Variants in RBM20 observed in about 807,000 individuals in gnomAD.
The protein encoded by RBM20 is RNA-binding protein 20.
In RBM20, 51 loss-of-function variants were observed where a neutral mutation model predicts 110.1. That is an observed-to-expected ratio of 0.46 (90% CI 0.37 to 0.59). The LOEUF (loss-of-function observed/expected upper bound fraction) is 0.59, where lower values mean the gene tolerates loss of function less well. Among genes scored for constraint, RBM20 ranks in the 20% least tolerant of loss-of-function variants. The probability of loss-of-function intolerance (pLI) is 0.00; values close to 1 mark genes in which losing one functional copy is unlikely to be tolerated. For missense variants in RBM20, 1,512 were observed against 1,574.9 expected (o/e 0.96, Z 0.68); for synonymous variants, 589 against 618.2 (o/e 0.95, Z 0.70).
chr10:110,713,991 C>G (rs117265234), intron 1 of RBM20, among the ~76,000 whole-genome samples: 1 of 152,154 alleles, frequency 6.6e-6, no homozygotes, highest in Non-Finnish European at 1.5e-5. Flanking sequence ...AGGATCATCA[C>G]CCAGGAATGT....
chr10:110,670,851 T>G (rs771102821), intron 1 of RBM20, among the ~76,000 whole-genome samples: 1 of 152,250 alleles, frequency 6.6e-6, no homozygotes, highest in Non-Finnish European at 1.5e-5. Flanking sequence ...GTCAGATTGT[T>G]ATTTTTCTCT....
rs1371694416 is a variant in RBM20 at position 110,644,806 on chromosome 10, CTGTT to C, written c.191+166_191+169del. 4.6e-5 allele frequency among the ~76,000 whole-genome samples: 7 copies of C among 152,078 alleles called. No homozygotes were observed. The highest frequency in any genetic ancestry group is 1.3e-4 in the Admixed American group (2 of 15,278). Reference sequence around the variant, plus strand: ...CTGGGCAGAGTCGGTGTCCTTCTGGCTGTTTGTTAGGCTGGAAAGAGGGGAGCCA... The same window carrying C: ...CTGGGCAGAGTCGGTGTCCTTCTGGCTGTTAGGCTGGAAAGAGGGGAGCCA... On this transcript the variant is annotated intron_variant, in intron 1 of 13. Coordinates refer to ENST00000369519, the MANE Select transcript of RBM20 (RefSeq NM_001134363.3). The surrounding 1 kb of genome is among the most constrained non-coding windows in gnomAD (Gnocchi z 4.3).
intron 12 of RBM20, among the ~76,000 whole-genome samples, chr10:110,824,694 G>A (rs1410645450): frequency 2.0e-5 from 3 of 152,154 alleles, no homozygotes; most frequent in African/African-American, 4.8e-5. Flanking sequence ...AAAGTTCCCT[G>A]GGAGATTCTG....
At chr10:110,753,528 T>C (rs2840311) in intron 1 of RBM20, among the ~76,000 whole-genome samples, 54,860 of 152,046 alleles carry the variant, frequency 0.36, 10,731 homozygotes, top group East Asian at 0.59. Context: ...TGAAATGTAA[T>C]CTTTAGAATT....
At chr10:110,687,430 G>A (rs890833858) in intron 1 of RBM20, among the ~76,000 whole-genome samples, 3 of 152,194 alleles carry the variant, frequency 2.0e-5, no homozygotes, top group Non-Finnish European at 4.4e-5. Context: ...CGCATTATTA[G>A]AGAGAAGCAT....
intron 9 of RBM20, among the ~76,000 whole-genome samples, chr10:110,815,714 T>A (rs1340406283): frequency 6.6e-6 from 1 of 152,226 alleles, no homozygotes; most frequent in East Asian, 1.9e-4. Context: ...TTTACCACCC[T>A]GCTCTCATCG....
chr10:110,820,423 T>A (rs1678730289), intron 10 of RBM20, among the ~76,000 whole-genome samples: 4 of 152,292 alleles, frequency 2.6e-5, no homozygotes, highest in Admixed American at 2.6e-4. Context: ...TTTGGCTGTG[T>A]TCCTACGAGA....
At chr10:110,755,426 A>G (rs76428404) in intron 1 of RBM20, among the ~76,000 whole-genome samples, 2,079 of 152,258 alleles carry the variant, frequency 0.014, 19 homozygotes, top group Non-Finnish European at 0.023. Flanking sequence ...CAGTGTTTTT[A>G]TGGTTACTTA....
chr10:110,746,617 A>T (rs1843784294), intron 1 of RBM20, among the ~76,000 whole-genome samples: 1 of 152,232 alleles, frequency 6.6e-6, no homozygotes, highest in Non-Finnish European at 1.5e-5. Flanking sequence ...ATGCCCTTCA[A>T]GCTGTGGGAA....
At chr10:110,788,916 T>G (rs1844451979) in intron 5 of RBM20, among the ~76,000 whole-genome samples, 1 of 152,204 alleles carries the variant, frequency 6.6e-6, no homozygotes, top group African/African-American at 2.4e-5. Flanking sequence ...GTTTTTCTGC[T>G]TACAAAACTT....
chr10:110,648,526 A>C (rs1402670181), intron 1 of RBM20, among the ~76,000 whole-genome samples: 1 of 152,230 alleles, frequency 6.6e-6, no homozygotes, highest in African/African-American at 2.4e-5. Context: ...TCCTTTCTGG[A>C]AAGAGGATGG....
rs1213651804 is a variant in RBM20 at position 110,739,399 on chromosome 10, A to G, written c.192-41402A>G. 2.0e-5 allele frequency among the ~76,000 whole-genome samples: 3 copies of G among 152,216 alleles called. No individual in the cohort carries two copies. The highest frequency in any genetic ancestry group is 2.1e-4 in the South Asian group (1 of 4,830). On this transcript the variant is annotated intron_variant, in intron 1 of 13. Transcript: ENST00000369519. This position sits in a 1 kb window ranked among gnomAD's most constrained non-coding sequence, Gnocchi z 4.1. ...GATTCAGCAGTGAACAAAAACAGAC[A>G]AAATTCCCCAACCTCTTAATGTTTA...
rs563119102 is a variant in RBM20 at position 110,801,134 on chromosome 10, T to C, written c.1800+1216T>C. On this transcript the variant is annotated intron_variant, in intron 7 of 13. Transcript: ENST00000369519. The stretch of plus-strand genomic sequence containing the variant: ...CAAATTTATACTCCTACTAGTAGTG[T>C]ATTAGAGTTTTCGGCCGGGCGTGGT... 3.9e-5 allele frequency among the ~76,000 whole-genome samples: 6 copies of C among 152,308 alleles called. No individual in the cohort carries two copies. The South Asian group carries it at 1.2e-3, about 32-fold the overall frequency.
chr10:110,709,111 G>T (rs902448636), intron 1 of RBM20, among the ~76,000 whole-genome samples: 3 of 152,198 alleles, frequency 2.0e-5, no homozygotes, highest in African/African-American at 7.2e-5. Flanking sequence ...AGCCAAAGCT[G>T]CATGTTGCCT....
chr10:110,736,259 C>G (rs1843668971), intron 1 of RBM20, among the ~76,000 whole-genome samples: 2 of 152,224 alleles, frequency 1.3e-5, no homozygotes, highest in Admixed American at 6.5e-5. Flanking sequence ...AAATTACATT[C>G]CACACATTTA....
chr10:110,797,689 C>T (rs1844569392), intron 6 of RBM20, 41 bp downstream of exon 6: 3 of 1,526,856 alleles, frequency 2.0e-6, no homozygotes, highest in East Asian at 2.5e-5. Flanking sequence ...ATGCCACAGA[C>T]CACACATTAG....
At chr10:110,759,600 C>T (rs938615499) in intron 1 of RBM20, among the ~76,000 whole-genome samples, 1 of 152,150 alleles carries the variant, frequency 6.6e-6, no homozygotes, top group East Asian at 1.9e-4. Flanking sequence ...CTGGCTAGTC[C>T]CAGCAGGGGC....
chr10:110,723,041 G>A (rs951378941), intron 1 of RBM20, among the ~76,000 whole-genome samples: 3 of 151,656 alleles, frequency 2.0e-5, no homozygotes, highest in African/African-American at 7.3e-5. Flanking sequence ...GAACCCAGGA[G>A]GCAGAGGTTG....
chr10:110,738,030 A>G (rs10885030), intron 1 of RBM20, among the ~76,000 whole-genome samples: 107,484 of 152,078 alleles, frequency 0.71, 38,737 homozygotes, highest in African/African-American at 0.86. Context: ...GCCAGGCACT[A>G]TGTGAGGCAT....
Sources: gnomAD v4.1 joint callset for allele counts (sites outside exome capture counted in the v4.1 genomes callset) on GRCh38, gnomAD v4.1.1 for gene constraint, Gnocchi (gnomAD v3.1) non-coding constraint, MANE v1.5 for transcripts, NCBI Gene and HGNC (gene_info 2026-07-23, HGNC 2026-07-21) for gene names.